The following EPB41 variants were observed in gnomAD, a reference collection of about 807,000 sequenced individuals.
EPB41 encodes the protein protein 4.1.
EPB41 carries 65 observed loss-of-function variants against 108.0 expected under a neutral mutation model. The observed-to-expected ratio is 0.60, with a 90% confidence interval of 0.49 to 0.74. EPB41 has a LOEUF of 0.74. EPB41 is among the 30% of genes least tolerant of loss of function. The probability of loss-of-function intolerance (pLI) is 0.00; values close to 1 mark genes in which losing one functional copy is unlikely to be tolerated. For synonymous variants in EPB41, 336 were observed against 358.9 expected (o/e 0.94, Z 0.72); for missense variants, 875 against 1,037.0 (o/e 0.84, Z 2.15).
intron 1 of EPB41, among the ~76,000 whole-genome samples, chr1:28,972,516 C>T (rs2095518096): frequency 6.6e-6 from 1 of 151,966 alleles, no homozygotes; most frequent in Admixed American, 6.6e-5. Context: ...TATTAGTCAC[C>T]ATAGAAATGA....
At chr1:29,077,400 A>G (rs776282693) in intron 16 of EPB41, among the ~76,000 whole-genome samples, 5 of 151,964 alleles carry the variant, frequency 3.3e-5, no homozygotes, top group Non-Finnish European at 5.9e-5. Context: ...GCAAGACCCC[A>G]TCTCAAAAAA....
intron 1 of EPB41, among the ~76,000 whole-genome samples, chr1:28,963,619 A>C (rs2095284114): frequency 6.6e-6 from 1 of 152,170 alleles, no homozygotes. Flanking sequence ...TTTATTTTGG[A>C]ACATTTCTGA....
At chr1:29,003,204 A>G (rs899447815) in intron 4 of EPB41, among the ~76,000 whole-genome samples, 4 of 152,252 alleles carry the variant, frequency 2.6e-5, no homozygotes, top group Non-Finnish European at 5.9e-5. Flanking sequence ...TTGAATCAGT[A>G]AAGTTCATAG....
At chr1:28,907,439 C>G (rs2091925916) in intron 1 of EPB41, among the ~76,000 whole-genome samples, 1 of 151,918 alleles carries the variant, frequency 6.6e-6, no homozygotes, top group Non-Finnish European at 1.5e-5. Flanking sequence ...CTCAAGTGAT[C>G]CTCCTCCCTC....
At chr1:28,898,643 C>T (rs948857857) in intron 1 of EPB41, among the ~76,000 whole-genome samples, 4 of 152,180 alleles carry the variant, frequency 2.6e-5, no homozygotes, top group Admixed American at 6.5e-5. Flanking sequence ...CCTGGCAGCC[C>T]GTTCTAGCCA....
At chr1:29,109,229 A>G (rs947554343) in intron 17 of EPB41, 107 bp from the exon 18 acceptor site, 2 of 849,774 alleles carry the variant, frequency 2.4e-6, no homozygotes, top group South Asian at 1.4e-5. Flanking sequence ...TTCTAAGGGA[A>G]TGAGATTTTT....
chr1:28,947,416 A>G (rs976443012), intron 1 of EPB41, among the ~76,000 whole-genome samples: 25 of 47,430 alleles, frequency 5.3e-4, no homozygotes, highest in Non-Finnish European at 6.6e-4. Context: ...CAGACAAACA[A>G]ACAAACAAAC....
intron 7 of EPB41, among the ~76,000 whole-genome samples, chr1:29,027,085 C>A (rs1198042724): frequency 1.3e-5 from 2 of 149,224 alleles, no homozygotes; most frequent in South Asian, 4.3e-4. Context: ...GAGTGGGACT[C>A]CATCTCAAAA....
intron 1 of EPB41, among the ~76,000 whole-genome samples, chr1:28,949,854 G>T (rs780055262): frequency 6.6e-6 from 1 of 151,954 alleles, no homozygotes; most frequent in Non-Finnish European, 1.5e-5. Context: ...TGCCCGCCTC[G>T]GCCTCCCAAA....
chr1:29,070,354 G>T (rs1650744125), intron 16 of EPB41: 1 of 1,231,802 alleles, frequency 8.1e-7, no homozygotes, highest in Non-Finnish European at 1.0e-6. Flanking sequence ...ATCTTCTACT[G>T]TGAAAGCAGA....
chr1:29,033,034 G>C, intron 8 of EPB41, 59 bp from the exon 9 acceptor site: 3 of 1,513,032 alleles, frequency 2.0e-6, no homozygotes, highest in Non-Finnish European at 2.7e-6. Flanking sequence ...TCTAGTAATA[G>C]TCAACAGTGT....
chr1:29,075,898 C>T (rs1009743460), intron 16 of EPB41, among the ~76,000 whole-genome samples: 1 of 152,162 alleles, frequency 6.6e-6, no homozygotes, highest in Non-Finnish European at 1.5e-5. Flanking sequence ...GTGCTTGACT[C>T]TTCTCTGCAA....
intron 3 of EPB41, among the ~76,000 whole-genome samples, chr1:28,994,633 T>TTTTTTTTATTTATTTA (rs1553224685): frequency 2.3e-4 from 32 of 139,852 alleles, no homozygotes; most frequent in African/African-American, 7.7e-4. Flanking sequence ...GAACAAACTA[T>TTTTTTTTATTTATTTA]TTTATTTATT....
intron 1 of EPB41, among the ~76,000 whole-genome samples, chr1:28,950,192 A>G (rs1055320174): frequency 3.3e-5 from 5 of 152,212 alleles, no homozygotes; most frequent in African/African-American, 1.2e-4. Flanking sequence ...GCTGAGTCAT[A>G]GAGTACATGT....
At chr1:29,048,592 C>A (rs113308766) in intron 11 of EPB41, among the ~76,000 whole-genome samples, 110 of 152,302 alleles carry the variant, frequency 7.2e-4, no homozygotes, top group South Asian at 2.9e-3. Context: ...TTATTTCTTA[C>A]AACTTAACCT....
At chr1:29,107,694 T>C (rs1243926628) in intron 17 of EPB41, among the ~76,000 whole-genome samples, 1 of 151,040 alleles carries the variant, frequency 6.6e-6, no homozygotes, top group Non-Finnish European at 1.5e-5. Context: ...CTGCTAAAAA[T>C]ACAAAAATTA....
intron 1 of EPB41, among the ~76,000 whole-genome samples, chr1:28,944,522 C>A (rs1378042800): frequency 3.4e-5 from 5 of 147,742 alleles, no homozygotes; most frequent in Non-Finnish European, 7.4e-5. Flanking sequence ...AAACATAAAA[C>A]TCTCAGATCT....
chr1:28,946,542 T>G (rs1357783890), intron 1 of EPB41, among the ~76,000 whole-genome samples: 1 of 152,250 alleles, frequency 6.6e-6, no homozygotes, highest in Non-Finnish European at 1.5e-5. Flanking sequence ...ATATTTTAGA[T>G]TCCACTTTTT....
chr1:29,112,283 G>C, intron 18 of EPB41, 85 bp from the exon 19 acceptor site: 1 of 1,143,012 alleles, frequency 8.7e-7, no homozygotes, highest in South Asian at 1.3e-5. Context: ...TTACAAGTGT[G>C]AACCACTAAA....
Sources: gnomAD v4.1 joint callset for allele counts (sites outside exome capture counted in the v4.1 genomes callset) on GRCh38, gnomAD v4.1.1 for gene constraint, MANE v1.5 for transcripts, NCBI Gene and HGNC (gene_info 2026-07-23, HGNC 2026-07-21) for gene names.